The following SGIP1 variants were observed in gnomAD, a reference collection of about 807,000 sequenced individuals.
The protein encoded by SGIP1 is SH3-containing GRB2-like protein 3-interacting protein 1.
Under a neutral mutation model 107.5 loss-of-function variants are expected in SGIP1, and 38 were observed. That is an observed-to-expected ratio of 0.35 (90% CI 0.27 to 0.46). The LOEUF is 0.46. Among genes scored for constraint, SGIP1 ranks in the 20% least tolerant of loss-of-function variants. The pLI is 1.00. For synonymous variants in SGIP1, 365 were observed against 366.1 expected, an observed-to-expected ratio of 1.00 and a Z score of 0.03; for missense variants, 929 against 1,019.5, an observed-to-expected ratio of 0.91 and a Z score of 1.21.
intron 15 of SGIP1, 94 bp from the exon 16 acceptor site, chr1:66,689,047 CAAAAAAA>C (rs35898963): frequency 4.1e-6 from 5 of 1,215,846 alleles, no homozygotes; most frequent in African/African-American, 3.5e-5. Flanking sequence ...ACTGCCAAGG[CAAAAAAA>C]AAAAAAAAAA....
At chr1:66,654,054 A>C (rs1225082243) in intron 7 of SGIP1, among the ~76,000 whole-genome samples, 1 of 152,146 alleles carries the variant, frequency 6.6e-6, no homozygotes, top group Non-Finnish European at 1.5e-5. Context: ...CACAGCAGTG[A>C]ATGACACATA....
intron 20 of SGIP1, among the ~76,000 whole-genome samples, chr1:66,732,387 T>TA (rs1047852548): frequency 6.6e-5 from 10 of 152,116 alleles, no homozygotes; most frequent in African/African-American, 9.7e-5. Flanking sequence ...CTTTTCAATT[T>TA]AAAAAAACTC....
intron 1 of SGIP1, among the ~76,000 whole-genome samples, chr1:66,568,274 G>A: frequency 6.6e-6 from 1 of 152,008 alleles, no homozygotes; most frequent in South Asian, 2.1e-4. Flanking sequence ...CATTGTGAAT[G>A]GGAGTTCATT....
chr1:66,638,201 A>T (rs891290586), intron 4 of SGIP1, among the ~76,000 whole-genome samples: 2 of 152,190 alleles, frequency 1.3e-5, no homozygotes, highest in African/African-American at 4.8e-5. Flanking sequence ...TAAAGCAGAA[A>T]TTAAAAGAGA....
At chr1:66,547,581 A>G (rs1403864069) in intron 1 of SGIP1, among the ~76,000 whole-genome samples, 1 of 152,108 alleles carries the variant, frequency 6.6e-6, no homozygotes, top group Non-Finnish European at 1.5e-5. Flanking sequence ...CGCACTCTTG[A>G]TCAAATTTTA....
At chr1:66,620,512 C>T (rs1419996603) in intron 1 of SGIP1, among the ~76,000 whole-genome samples, 1 of 152,054 alleles carries the variant, frequency 6.6e-6, no homozygotes, top group Non-Finnish European at 1.5e-5. Context: ...GGAAGCAAGG[C>T]ACGTCTTACA....
At chr1:66,609,660 G>A (rs2067545120) in intron 1 of SGIP1, among the ~76,000 whole-genome samples, 5 of 152,180 alleles carry the variant, frequency 3.3e-5, no homozygotes, top group Admixed American at 3.3e-4. Context: ...ATGCATGGAT[G>A]TATTTAGATG....
At chr1:66,630,841 A>AAGAGAGAGAGAG (rs1427132139) in intron 2 of SGIP1, among the ~76,000 whole-genome samples, 4 of 17,966 alleles carry the variant, frequency 2.2e-4, no homozygotes, top group African/African-American at 1.1e-3. Context: ...GAAAGAAAGA[A>AAGAGAGAGAGAG]AGAAAGAAAG....
rs529814064 is a variant in SGIP1, at chr1:66,615,745, G to A, written c.11-10102G>A. Among the ~76,000 whole-genome samples the A allele has an allele frequency of 7.9e-5, 12 of 152,260 alleles. No homozygotes were observed. In the East Asian group the frequency reaches 2.1e-3, roughly 27 times the overall value. On this transcript the variant is annotated intron_variant, in intron 1 of 24. Coordinates refer to ENST00000371037, the MANE Select transcript of SGIP1 (RefSeq NM_032291.4). ...CCATTAATTTAAATGCTTTCTACAA[G>A]TCATTGTCAGGCCAGGGAGGGACTG...
chr1:66,701,173 G>GC (rs2091853340), intron 18 of SGIP1, among the ~76,000 whole-genome samples: 1 of 152,110 alleles, frequency 6.6e-6, no homozygotes, highest in Admixed American at 6.5e-5. Context: ...TTTCTCACAT[G>GC]CAGCCACAAA....
At chr1:66,557,090 C>A (rs976294942) in intron 1 of SGIP1, among the ~76,000 whole-genome samples, 1 of 152,048 alleles carries the variant, frequency 6.6e-6, no homozygotes, top group Admixed American at 6.6e-5. Flanking sequence ...CTTAGGGATG[C>A]AGAGGTTTAG....
chr1:66,719,518 T>C (rs1369647457), intron 19 of SGIP1, 113 bp downstream of exon 19: 5 of 612,178 alleles, frequency 8.2e-6, no homozygotes, highest in Non-Finnish European at 1.4e-5. Context: ...ATAATTCAGT[T>C]AGCAATAGTA....
chr1:66,713,512 G>T (rs186770258), intron 18 of SGIP1, among the ~76,000 whole-genome samples: 87 of 152,208 alleles, frequency 5.7e-4, no homozygotes, highest in Non-Finnish European at 1.0e-3. Context: ...TAAAATCCAT[G>T]TCAATAAATA....
chr1:66,575,238 G>A (rs1015241741), intron 1 of SGIP1, among the ~76,000 whole-genome samples: 2 of 152,048 alleles, frequency 1.3e-5, no homozygotes, highest in African/African-American at 4.8e-5. Flanking sequence ...AGGATGGGAG[G>A]GTTTATATTA....
At chr1:66,533,884 G>T (rs12081850), upstream of SGIP1, among the ~76,000 whole-genome samples, 5,999 of 152,000 alleles carry the variant, frequency 0.039, 372 homozygotes, top group African/African-American at 0.14. Context: ...GCACCCAGCC[G>T]CTTCTGTAAG....
intron 12 of SGIP1, among the ~76,000 whole-genome samples, chr1:66,673,989 A>ACC (rs5774828): frequency 1.8e-4 from 27 of 151,576 alleles, no homozygotes; most frequent in South Asian, 8.4e-4. Context: ...ACATACGGAG[A>ACC]CCCCCATCTC....
At position 66,643,622 on chromosome 1, in the gene SGIP1, T is replaced by C; in HGVS notation, c.362T>C (p.Ile121Thr). ...TCACATAAGAAATTTAATATCAAGATTAAACCATTGCAATCTAAAGACATT... is the reference window on the plus strand; with the variant it reads ...TCACATAAGAAATTTAATATCAAGACTAAACCATTGCAATCTAAAGACATT... ...EESHKKFNIK[I>T]KPLQSKDILK... Residue 121 changes from isoleucine (I) to threonine (T), a missense_variant, in exon 7 of 25, where the codon ATT (isoleucine) becomes ACT (threonine). Coordinates refer to ENST00000371037, the MANE Select transcript of SGIP1 (RefSeq NM_032291.4). 6.2e-7 allele frequency: 1 copy of C among 1,611,010 alleles called. No individual in the cohort carries two copies. The highest frequency in any genetic ancestry group is 8.5e-7 in the Non-Finnish European group (1 of 1,178,972).
chr1:66,541,867 C>G (rs1252825667), intron 1 of SGIP1, among the ~76,000 whole-genome samples: 2 of 152,112 alleles, frequency 1.3e-5, no homozygotes, highest in Non-Finnish European at 2.9e-5. Context: ...AGTTGCTGTA[C>G]TAGGCACAAT....
At chr1:66,717,395 A>G (rs926661651) in intron 18 of SGIP1, among the ~76,000 whole-genome samples, 1 of 152,148 alleles carries the variant, frequency 6.6e-6, no homozygotes, top group Non-Finnish European at 1.5e-5. Flanking sequence ...ATGTGCATAA[A>G]CCTTACTTTT....
Sources: gnomAD v4.1 joint callset for allele counts (sites outside exome capture counted in the v4.1 genomes callset) on GRCh38, gnomAD v4.1.1 for gene constraint, MANE v1.5 for transcripts, NCBI Gene and HGNC (gene_info 2026-07-23, HGNC 2026-07-21) for gene names.